The following PHACTR2 variants were observed in gnomAD, a reference collection of about 807,000 sequenced individuals.
PHACTR2 encodes chromosome 6 open reading frame 56.
In PHACTR2, 30 loss-of-function variants were observed where a neutral mutation model predicts 76.0. The ratio of observed to expected loss-of-function variants is 0.39; its 90% confidence interval spans 0.30 to 0.54. PHACTR2 has a LOEUF of 0.54. PHACTR2 is among the 20% of genes least tolerant of loss of function. The pLI, the probability that PHACTR2 is intolerant of heterozygous loss-of-function variation, is 0.61. For synonymous variants in PHACTR2, 292 were observed against 292.5 expected (o/e 1.00, Z 0.02); for missense variants, 696 against 781.1 (o/e 0.89, Z 1.30).
upstream of PHACTR2, among the ~76,000 whole-genome samples, chr6:143,605,551 A>C (rs1226864400): frequency 6.6e-6 from 1 of 152,168 alleles, no homozygotes; most frequent in African/African-American, 2.4e-5. The surrounding 1 kb of genome is among the most constrained non-coding windows in gnomAD (Gnocchi z 5.0). Flanking sequence ...GGGGAGGGAC[A>C]GAGGAGGGGC....
rs1778454577 is a variant in PHACTR2 at position 143,722,016 on chromosome 6, T to C, written c.214+9833T>C. Among the ~76,000 whole-genome samples, 1 of 152,234 alleles carries C rather than the reference T, an allele frequency of 6.6e-6. No individual in the cohort carries two copies. The highest frequency in any genetic ancestry group is 2.4e-5 in the African/African-American group (1 of 41,456). ...CTTCACCAACCACATTTTCAGTATTTAGAATTAAGTCTAGAATAGAATTTC... is the reference window on the plus strand; with the variant it reads ...CTTCACCAACCACATTTTCAGTATTCAGAATTAAGTCTAGAATAGAATTTC... On this transcript the variant is annotated intron_variant, in intron 2 of 12. Transcript: ENST00000440869. The surrounding 1 kb of genome is among the most constrained non-coding windows in gnomAD (Gnocchi z 4.1).
At chr6:143,569,883 G>A (rs1208828884) in intron 1 of PHACTR2, among the ~76,000 whole-genome samples, 5 of 152,156 alleles carry the variant, frequency 3.3e-5, no homozygotes, top group Non-Finnish European at 7.3e-5. Context: ...CTGAAGATTT[G>A]GGAAGTGCTG....
At chr6:143,690,817 C>A (rs1007240248) in intron 1 of PHACTR2, among the ~76,000 whole-genome samples, 1 of 152,106 alleles carries the variant, frequency 6.6e-6, no homozygotes, top group Non-Finnish European at 1.5e-5. Context: ...AATGTGTTTA[C>A]TGTGATAATA....
At chr6:143,675,602 G>T (rs777090641), upstream of PHACTR2, among the ~76,000 whole-genome samples, 1 of 152,150 alleles carries the variant, frequency 6.6e-6, no homozygotes, top group Non-Finnish European at 1.5e-5. This position sits in a 1 kb window ranked among gnomAD's most constrained non-coding sequence, Gnocchi z 4.9. Context: ...ATAAGAGATT[G>T]GTTTAGAAAT....
chr6:143,735,186 T>G (rs1022434070), intron 2 of PHACTR2, among the ~76,000 whole-genome samples: 2 of 152,306 alleles, frequency 1.3e-5, no homozygotes, highest in Middle Eastern at 3.4e-3. Context: ...ACTGTAAGTT[T>G]TGAAATTGGT....
upstream of PHACTR2, among the ~76,000 whole-genome samples, chr6:143,677,496 AC>A (rs1204901151): frequency 6.6e-6 from 1 of 152,166 alleles, no homozygotes; most frequent in Non-Finnish European, 1.5e-5. Flanking sequence ...TTGATCTCAC[AC>A]GTAGACCTAC....
intron 2 of PHACTR2, among the ~76,000 whole-genome samples, chr6:143,716,554 G>T (rs1778306044): frequency 1.3e-5 from 2 of 152,194 alleles, no homozygotes; most frequent in African/African-American, 4.8e-5. Context: ...GCCCAGGTTG[G>T]TCTCAAACTC....
intron 1 of PHACTR2, among the ~76,000 whole-genome samples, chr6:143,638,374 T>C (rs1776502373): frequency 1.3e-5 from 2 of 151,838 alleles, no homozygotes; most frequent in Admixed American, 6.6e-5. Flanking sequence ...ACCCCGTCTA[T>C]ACAAAAATAA....
At chr6:143,665,513 G>T (rs1183191224) in intron 1 of PHACTR2, among the ~76,000 whole-genome samples, 1 of 152,090 alleles carries the variant, frequency 6.6e-6, no homozygotes, top group East Asian at 1.9e-4. Context: ...TTAAGTAATG[G>T]CAATTTGATC....
upstream of PHACTR2, among the ~76,000 whole-genome samples, chr6:143,677,244 A>T (rs1332752816): frequency 6.6e-6 from 1 of 151,910 alleles, no homozygotes; most frequent in Non-Finnish European, 1.5e-5. Context: ...TAGCATGAAG[A>T]TTACTTATAC....
Position 143,777,408 on chromosome 6 carries a change from A to C in PHACTR2, c.1645+25A>C, listed in dbSNP as rs966532900. 3.8e-6 allele frequency: 5 copies of C among 1,321,546 alleles called. No homozygotes were observed. In the South Asian group the frequency reaches 3.9e-5, roughly 10 times the overall value. 81.9% of individuals were successfully genotyped at this position (1,321,546 alleles called of 1,614,324 possible). On this transcript the variant is annotated intron_variant, in intron 9 of 12. Transcript: ENST00000440869. The surrounding 1 kb of genome is among the most constrained non-coding windows in gnomAD (Gnocchi z 4.6). Reference sequence around the variant, plus strand: ...CGTGAGTATTCTATACTATAGAATGATTCCTTGTGTAATCGCTAACAAGCT... The same window carrying C: ...CGTGAGTATTCTATACTATAGAATGCTTCCTTGTGTAATCGCTAACAAGCT...
In PHACTR2 at chr6:143,793,734, G is replaced by A. The variant is rs540978367; in HGVS notation, c.1845+4824G>A. ...GTTTGAGACCAGCCTGAGCAATGTG[G>A]TGAAACTCTGCCTCTACTAAAAAAT... On this transcript the variant is annotated intron_variant, in intron 11 of 12. Transcript: ENST00000440869. The surrounding 1 kb of genome is among the most constrained non-coding windows in gnomAD (Gnocchi z 4.4). 3.4e-3 allele frequency among the ~76,000 whole-genome samples: 511 copies of A among 152,044 alleles called. 3 individuals are homozygous for A. Among genetic ancestry groups the A allele is most frequent in the African/African-American group, 0.012 (492 of 41,468 alleles).
At chr6:143,778,393 A>G (rs1775336518) in intron 9 of PHACTR2, among the ~76,000 whole-genome samples, 1 of 152,170 alleles carries the variant, frequency 6.6e-6, no homozygotes. Flanking sequence ...TTCAACAATG[A>G]AAATGAACTA....
At chr6:143,577,173 G>A (rs1455022579) in intron 1 of PHACTR2, among the ~76,000 whole-genome samples, 1 of 152,100 alleles carries the variant, frequency 6.6e-6, no homozygotes, top group African/African-American at 2.4e-5. Flanking sequence ...TGCTGCAGTG[G>A]ATCTTCTGGT....
Position 143,570,568 on chromosome 6 carries a change from C to T in PHACTR2, c.217+33361C>T, listed in dbSNP as rs1775435330. Among the ~76,000 whole-genome samples the T allele has an allele frequency of 1.3e-5, 2 of 152,180 alleles. No individual in the cohort carries two copies. Among genetic ancestry groups the T allele is most frequent in the South Asian group, 4.1e-4 (2 of 4,826 alleles). ...TGCCTTTTCAGTTCAGCTCCCAGAGCTGGTCCTGATGAGGTGACTGGCAAC... is the reference window on the plus strand; with the variant it reads ...TGCCTTTTCAGTTCAGCTCCCAGAGTTGGTCCTGATGAGGTGACTGGCAAC... On this transcript the variant is annotated intron_variant, in intron 1 of 11. Transcript: ENST00000367584. The surrounding 1 kb of genome is among the most constrained non-coding windows in gnomAD (Gnocchi z 4.6).
At chr6:143,615,299 G>A (rs1484452062) in intron 1 of PHACTR2, among the ~76,000 whole-genome samples, 2 of 152,082 alleles carry the variant, frequency 1.3e-5, no homozygotes, top group Admixed American at 1.3e-4. Flanking sequence ...GGGGATTCTT[G>A]GTCTTTGTGT....
chr6:143,744,148 C>G (rs1308203454), intron 2 of PHACTR2, among the ~76,000 whole-genome samples: 1 of 152,176 alleles, frequency 6.6e-6, no homozygotes, highest in African/African-American at 2.4e-5. Flanking sequence ...GAGACTTTTT[C>G]AGATCATCCA....
In PHACTR2 at chr6:143,784,461, A is replaced by G. The variant is rs1775505316; in HGVS notation, c.1707+1181A>G. 6.6e-6 allele frequency among the ~76,000 whole-genome samples: 1 copy of G among 152,200 alleles called. No homozygotes were observed. The highest frequency in any genetic ancestry group is 1.5e-5 in the Non-Finnish European group (1 of 68,038). On this transcript the variant is annotated intron_variant, in intron 10 of 12. Transcript: ENST00000440869. The surrounding 1 kb of genome is among the most constrained non-coding windows in gnomAD (Gnocchi z 4.5). ...CCTAAAAATGGATAAAGTGACTAAA[A>G]TGTGACATCTACATGAAGTGTGACC...
chr6:143,734,581 C>CA (rs1778777219), intron 2 of PHACTR2, among the ~76,000 whole-genome samples: 1 of 152,194 alleles, frequency 6.6e-6, no homozygotes, highest in South Asian at 2.1e-4. Flanking sequence ...TTTCTGATTA[C>CA]AAATGACACA....
Sources: allele counts gnomAD v4.1 joint callset (sites outside exome capture counted in the v4.1 genomes callset), GRCh38; gene constraint gnomAD v4.1.1; non-coding constraint Gnocchi (gnomAD v3.1); transcripts MANE v1.5; gene names NCBI Gene and HGNC (gene_info 2026-07-23, HGNC 2026-07-21).